ABCA4: variants seen among roughly 807,000 people sequenced by gnomAD.
ABCA4 encodes the protein retinal-specific phospholipid-transporting ATPase ABCA4.
A neutral mutation model predicts 263.7 loss-of-function variants in ABCA4; 196 were observed. The ratio of observed to expected loss-of-function variants is 0.74; its 90% confidence interval spans 0.66 to 0.84. ABCA4 has a LOEUF of 0.84. Among genes scored for constraint, ABCA4 ranks in the 40% least tolerant of loss-of-function variants. The pLI, the probability that ABCA4 is intolerant of heterozygous loss-of-function variation, is 0.00. For missense variants in ABCA4, 2,792 were observed against 2,855.1 expected (o/e 0.98, Z 0.50); for synonymous variants, 1,133 against 1,094.2 (o/e 1.04, Z -0.70).
intron 4 of ABCA4, 36 bp from the exon 5 acceptor site, chr1:94,103,178 G>C (rs1239400998): frequency 1.2e-6 from 2 of 1,611,882 alleles, no homozygotes; most frequent in East Asian, 2.2e-5. Context: ...GGGTGTTGAA[G>C]GGGAAATGGG....
chr1:94,078,620 A>G lies in ABCA4; in HGVS notation c.1326T>C (p.Phe442=). The G allele has an allele frequency of 7.1e-7, 1 of 1,404,698 alleles. No homozygotes were observed. The highest frequency in any genetic ancestry group is 9.4e-7 in the Non-Finnish European group (1 of 1,059,524). 87.0% of individuals were successfully genotyped at this position (1,404,698 alleles called of 1,614,324 possible). A position where few individuals can be genotyped will look rare whatever the true frequency, so the allele number is the denominator to read the frequency against. Residue 442 remains phenylalanine, a synonymous_variant, in exon 10 of 50, where the codon TTT becomes TTC. Transcript: ENST00000370225. Reference sequence around the variant, plus strand: ...TCATGTTCATCTGTGTGCTGTTGTCAAAGAAGTACCAGATCTGGGGCCCTA... The same window carrying G: ...TCATGTTCATCTGTGTGCTGTTGTCGAAGAAGTACCAGATCTGGGGCCCTA... The part of the protein sequence containing the change: ...EEVGPQIWYF[F]DNSTQMNMIR...
rs553776104 is a variant in ABCA4 at position 94,041,250 on chromosome 1, G to A, written c.3481C>T (p.Arg1161Cys). ...TGGCTCTGGATGTTTTTCATCTTGC[G>A]CACCAAGGTTAAGTACAAGCCTGTG... ...FGTGLYLTLV[R>C]KMKNIQSQRK... Residue 1161 changes from arginine (R) to cysteine (C), a missense_variant, in exon 23 of 50, where the codon CGC becomes TGC. Transcript: ENST00000370225. 1.5e-5 allele frequency: 24 copies of A among 1,614,120 alleles called. No individual in the cohort carries two copies. Among genetic ancestry groups the A allele is most frequent in the Middle Eastern group, 1.6e-4 (1 of 6,062 alleles).
At chr1:94,083,619 A>C (rs1027734739) in intron 6 of ABCA4, among the ~76,000 whole-genome samples, 178 bp from the exon 7 acceptor site, 2 of 152,228 alleles carry the variant, frequency 1.3e-5, no homozygotes, top group Non-Finnish European at 2.9e-5. Context: ...TAATTGAAAA[A>C]ATAAAGGCTC....
chr1:94,043,377 C>T lies in ABCA4; in HGVS notation c.3149G>A (p.Gly1050Asp), dbSNP rs61750062. ...LEMEAMLEDT[G>D]LHHKRNEEAQ... ...CTCTTCATTCCGCTTGTGGTGGAGG[C>T]CTGTGTCCTCCAACATGGCTTCCAT... is the stretch of plus-strand genomic sequence containing the variant. The change falls in exon 21 of 50, where the codon GGC (glycine) becomes GAC (aspartate). Residue 1050 changes from glycine to aspartate, a missense_variant. By Grantham distance (94) the Gly-to-Asp change is moderately conservative. Coordinates refer to ENST00000370225, the MANE Select transcript of ABCA4 (RefSeq NM_000350.3). 1.5e-5 allele frequency: 25 copies of T among 1,613,998 alleles called. No homozygotes were observed. Among genetic ancestry groups the T allele is most frequent in the Non-Finnish European group, 1.8e-5 (21 of 1,180,034 alleles).
chr1:94,108,351 T>C (rs1270346438), intron 4 of ABCA4, among the ~76,000 whole-genome samples: 1 of 152,196 alleles, frequency 6.6e-6, no homozygotes, highest in Non-Finnish European at 1.5e-5. Flanking sequence ...TCTCTAGACT[T>C]AACGTGGATG....
chr1:94,053,508 A>G (rs1393929494), intron 16 of ABCA4, among the ~76,000 whole-genome samples: 3 of 152,246 alleles, frequency 2.0e-5, no homozygotes. Flanking sequence ...GAACAGGGTC[A>G]TTGCAGATGT....
chr1:94,037,481 T>C, intron 24 of ABCA4, 131 bp from the exon 25 acceptor site: 1 of 831,500 alleles, frequency 1.2e-6, no homozygotes, highest in Non-Finnish European at 2.0e-6. Context: ...GCAGTGACTC[T>C]TTCAGAGGAC....
At position 93,997,958 on chromosome 1, in the gene ABCA4, G is replaced by A. The variant is rs748822256; in HGVS notation, c.6632C>T (p.Ser2211Phe). ...RHYNMLQFQV[S>F]SSSLARIFQL... ...GAAGATCCTCGCCAGGGAGGAGGAG[G>A]AGACCTGGAACTGGAGCATGTTGTA... Residue 2211 changes from serine (S) to phenylalanine (F), a missense_variant, in exon 48 of 50, where the codon TCC becomes TTC. Coordinates refer to ENST00000370225, the MANE Select transcript of ABCA4 (RefSeq NM_000350.3). The A allele has an allele frequency of 1.9e-6, 3 of 1,614,148 alleles. No homozygotes were observed.
intron 4 of ABCA4, among the ~76,000 whole-genome samples, chr1:94,104,519 C>A (rs1194213562): frequency 6.6e-6 from 1 of 152,208 alleles, no homozygotes; most frequent in Non-Finnish European, 1.5e-5. Context: ...CCCTGAACAG[C>A]ACCATATCCG....
chr1:94,040,144 G>C lies in ABCA4; in HGVS notation c.3523-17C>G. ...GCAGGTCCCCTGCAACAGATGGATG[G>C]GATGACTGACAAGATGCACATCCCT... On this transcript the variant is annotated splice_polypyrimidine_tract_variant and intron_variant, in intron 23 of 49. Coordinates refer to ENST00000370225, the MANE Select transcript of ABCA4 (RefSeq NM_000350.3). The C allele has an allele frequency of 3.1e-6, 5 of 1,589,260 alleles. No individual in the cohort carries two copies. The highest frequency in any genetic ancestry group is 4.3e-6 in the Non-Finnish European group (5 of 1,163,174).
intron 7 of ABCA4, among the ~76,000 whole-genome samples, chr1:94,082,896 G>T (rs78656537): frequency 1.3e-5 from 2 of 152,146 alleles, no homozygotes; most frequent in African/African-American, 4.8e-5. Flanking sequence ...CAACACAAAA[G>T]TCCATTGTTT....
chr1:94,116,187 C>T (rs1160757082), intron 1 of ABCA4, among the ~76,000 whole-genome samples: 1 of 152,080 alleles, frequency 6.6e-6, no homozygotes, highest in African/African-American at 2.4e-5. Context: ...CTCCTTTCTC[C>T]CTTCCTTCTT....
intron 15 of ABCA4, among the ~76,000 whole-genome samples, chr1:94,056,300 G>A (rs1264665180): frequency 6.6e-6 from 1 of 152,230 alleles, no homozygotes; most frequent in East Asian, 1.9e-4. Flanking sequence ...AGGAAAACTA[G>A]TGAAATGGGC....
chr1:94,049,000 G>A (rs551868763), intron 17 of ABCA4, 43 bp from the exon 18 acceptor site: 2 of 1,601,258 alleles, frequency 1.2e-6, no homozygotes, highest in African/African-American at 2.7e-5. Flanking sequence ...ACCGGGAGCT[G>A]AGAACGAGCA....
chr1:94,015,733 G>A lies in ABCA4; in HGVS notation c.5312+6C>T. 6.2e-7 allele frequency: 1 copy of A among 1,611,426 alleles called. No homozygotes were observed. The highest frequency in any genetic ancestry group is 1.1e-5 in the South Asian group (1 of 90,758). On this transcript the variant is annotated splice_donor_region_variant and intron_variant, in intron 37 of 49. Transcript: ENST00000370225. ...GAGGCATTAGCTAATGGCCCAAACG[G>A]CTTACCCATACAGCAGGAGCAGTGC...
At chr1:94,014,199 A>G (rs113594015) in intron 38 of ABCA4, among the ~76,000 whole-genome samples, 13,567 of 126,324 alleles carry the variant, frequency 0.11, 1,247 homozygotes, top group African/African-American at 0.26. Flanking sequence ...GGAAGAAAGA[A>G]GGAAGGATGG....
chr1:94,004,689 G>T (rs1659322135), intron 44 of ABCA4, among the ~76,000 whole-genome samples: 1 of 151,702 alleles, frequency 6.6e-6, no homozygotes, highest in African/African-American at 2.4e-5. Context: ...GATTTTTTTT[G>T]AATATGTGGA....
rs192032500 is a variant in ABCA4 at position 94,030,765 on chromosome 1, G to A, written c.4253+231C>T. Reference sequence around the variant, plus strand: ...GCTTCAACCCATTCACCTAAGCTTTGCATTCCTTTCCCCATTCGGCCTTCC... The same window carrying A: ...GCTTCAACCCATTCACCTAAGCTTTACATTCCTTTCCCCATTCGGCCTTCC... On this transcript the variant is annotated intron_variant, in intron 28 of 49. Transcript: ENST00000370225. Among the ~76,000 whole-genome samples, 6 of 152,286 alleles carry A rather than the reference G, an allele frequency of 3.9e-5. No individual in the cohort carries two copies. The East Asian group carries it at 7.7e-4, about 20-fold the overall frequency.
intron 1 of ABCA4, 74 bp from the exon 2 acceptor site, chr1:94,113,140 A>G: frequency 7.2e-7 from 1 of 1,393,998 alleles, no homozygotes; most frequent in Non-Finnish European, 1.0e-6. Flanking sequence ...CAGAGCAGAC[A>G]CAGCCCTCCT....
Sources: allele counts gnomAD v4.1 joint callset (sites outside exome capture counted in the v4.1 genomes callset), GRCh38; gene constraint gnomAD v4.1.1; transcripts MANE v1.5; gene names NCBI Gene and HGNC (gene_info 2026-07-23, HGNC 2026-07-21).